SV2C: variants seen among roughly 807,000 people sequenced by gnomAD.
SV2C encodes solute carrier family 22 member B3.
SV2C carries 49 observed loss-of-function variants against 79.7 expected under a neutral mutation model. That is an observed-to-expected ratio of 0.61 (90% confidence interval 0.49 to 0.78). The LOEUF (loss-of-function observed/expected upper bound fraction) is 0.78. Among genes scored for constraint, SV2C ranks in the 30% least tolerant of loss-of-function variants. The pLI, the probability that SV2C is intolerant of heterozygous loss-of-function variation, is 0.00. For missense variants in SV2C, 833 were observed against 912.9 expected (o/e 0.91, Z 1.13); for synonymous variants, 334 against 333.2 (o/e 1.00, Z -0.03).
chr5:76,070,280 G>A, the SV2C span, among the ~76,000 whole-genome samples: 2 of 152,158 alleles, frequency 1.3e-5, no homozygotes, highest in African/African-American at 4.8e-5. Flanking sequence ...GCCTCATCAA[G>A]TGTCCTGTTT....
At chr5:76,049,581 T>G in the SV2C span, among the ~76,000 whole-genome samples, 2 of 152,188 alleles carry the variant, frequency 1.3e-5, no homozygotes, top group Admixed American at 6.5e-5. Flanking sequence ...TAGAAGTAGG[T>G]GCCCCCAATT....
the SV2C span, among the ~76,000 whole-genome samples, chr5:75,964,590 T>A: frequency 6.6e-6 from 1 of 152,152 alleles, no homozygotes; most frequent in Non-Finnish European, 1.5e-5. Context: ...ATCTGTTGGA[T>A]CCAAGACTGG....
the SV2C span, among the ~76,000 whole-genome samples, chr5:76,063,162 G>T: frequency 6.6e-6 from 1 of 152,080 alleles, no homozygotes; most frequent in African/African-American, 2.4e-5. Flanking sequence ...CCCTTCATTG[G>T]ACTCCTCTCC....
chr5:76,216,058 C>T (rs1306197500), intron 4 of SV2C, among the ~76,000 whole-genome samples: 1 of 151,182 alleles, frequency 6.6e-6, no homozygotes, highest in Non-Finnish European at 1.5e-5. Context: ...AAGTTAGACA[C>T]TGGAATAAGG....
intron 2 of SV2C, among the ~76,000 whole-genome samples, chr5:76,139,615 C>T (rs989328324): frequency 1.3e-5 from 2 of 152,114 alleles, no homozygotes; most frequent in Non-Finnish European, 2.9e-5. Context: ...AGACTGAGGT[C>T]CAAACCAGTC....
chr5:76,280,689 G>A (rs902674581), intron 4 of SV2C, among the ~76,000 whole-genome samples: 4 of 152,056 alleles, frequency 2.6e-5, no homozygotes, highest in African/African-American at 9.7e-5. Context: ...TGCTTTCCCC[G>A]GGGGGTGCCT....
At chr5:75,884,756 G>A in the SV2C span, among the ~76,000 whole-genome samples, 18,930 of 151,674 alleles carry the variant, frequency 0.12, 1,395 homozygotes, top group African/African-American at 0.22. Flanking sequence ...ACATCACACT[G>A]TACCCCATAA....
chr5:76,073,503 G>GTGTA, the SV2C span, among the ~76,000 whole-genome samples: 760 of 67,264 alleles, frequency 0.011, 10 homozygotes, highest in African/African-American at 0.035. Flanking sequence ...GTATGTGTGT[G>GTGTA]TATATATATA....
the SV2C span, among the ~76,000 whole-genome samples, chr5:76,013,689 T>C: frequency 6.6e-6 from 1 of 152,132 alleles, no homozygotes; most frequent in Admixed American, 6.6e-5. Flanking sequence ...AAGTAATTTA[T>C]AAAAATAATG....
intron 8 of SV2C, among the ~76,000 whole-genome samples, chr5:76,293,470 T>A (rs1211193314): frequency 6.6e-6 from 1 of 152,210 alleles, no homozygotes; most frequent in East Asian, 1.9e-4. Flanking sequence ...GTTCGGTAAA[T>A]GTTTGCTAAA....
At chr5:75,997,034 G>A in the SV2C span, among the ~76,000 whole-genome samples, 5 of 149,846 alleles carry the variant, frequency 3.3e-5, no homozygotes, top group Non-Finnish European at 7.4e-5. Flanking sequence ...GAATAGGAGT[G>A]GTGAGAGAGG....
chr5:76,182,918 A>AGTGT (rs577550259), intron 2 of SV2C, among the ~76,000 whole-genome samples: 12,613 of 141,112 alleles, frequency 0.089, 680 homozygotes, highest in Non-Finnish European at 0.13. Flanking sequence ...TGAGAGAGAG[A>AGTGT]GTGTGTGTGT....
At chr5:75,867,716 G>A in the SV2C span, among the ~76,000 whole-genome samples, 1 of 152,156 alleles carries the variant, frequency 6.6e-6, no homozygotes, top group Admixed American at 6.5e-5. Context: ...TCCTGTTGAT[G>A]GTGAAGATTT....
the SV2C span, among the ~76,000 whole-genome samples, chr5:76,022,952 A>G: frequency 5.3e-5 from 8 of 152,180 alleles, no homozygotes; most frequent in Non-Finnish European, 1.2e-4. Context: ...TTTATGGCCC[A>G]AGCCACCTGT....
chr5:76,065,681 G>C, the SV2C span, among the ~76,000 whole-genome samples: 1 of 151,872 alleles, frequency 6.6e-6, no homozygotes, highest in Non-Finnish European at 1.5e-5. Flanking sequence ...TAGGTTTTTC[G>C]CTTAATATAA....
the SV2C span, among the ~76,000 whole-genome samples, chr5:76,017,204 G>A: frequency 1.5e-4 from 23 of 152,094 alleles, no homozygotes; most frequent in Non-Finnish European, 2.6e-4. Context: ...TGTACTCTGA[G>A]ACCTAATGAG....
chr5:76,207,899 A>T (rs1351765070), intron 3 of SV2C, among the ~76,000 whole-genome samples: 1 of 152,258 alleles, frequency 6.6e-6, no homozygotes, highest in Non-Finnish European at 1.5e-5. Context: ...TGAGCTCCTC[A>T]AGAAGCCCAG....
chr5:76,045,316 C>A, the SV2C span, among the ~76,000 whole-genome samples: 3 of 152,124 alleles, frequency 2.0e-5, no homozygotes, highest in East Asian at 3.8e-4. Context: ...GTTACTGTAG[C>A]CTTGCAGTAT....
At chr5:75,991,585 A>G in the SV2C span, among the ~76,000 whole-genome samples, 1 of 115,390 alleles carries the variant, frequency 8.7e-6, no homozygotes, top group East Asian at 3.1e-4. Context: ...ATATATATAT[A>G]CACACATATA....
Sources: allele counts gnomAD v4.1 joint callset (sites outside exome capture counted in the v4.1 genomes callset), GRCh38; gene constraint gnomAD v4.1.1; transcripts MANE v1.5; gene names NCBI Gene and HGNC (gene_info 2026-07-23, HGNC 2026-07-21).